FRMD5: variants seen among roughly 807,000 people sequenced by gnomAD.
FRMD5 encodes the protein FERM domain-containing protein 5.
A neutral mutation model predicts 69.0 loss-of-function variants in FRMD5; 20 were observed. The observed-to-expected ratio is 0.29, with a 90% CI of 0.20 to 0.42. FRMD5 has a LOEUF of 0.42. Among genes scored for constraint, FRMD5 ranks in the 10% least tolerant of loss-of-function variants. The pLI is 1.00. For missense variants in FRMD5, 595 were observed against 708.6 expected (o/e 0.84, Z 1.82); for synonymous variants, 271 against 260.1 (o/e 1.04, Z -0.40).
At chr15:43,910,107 C>T (rs957896191) in intron 4 of FRMD5, 128 bp from the exon 5 acceptor site, 1 of 536,628 alleles carries the variant, frequency 1.9e-6, no homozygotes, top group Non-Finnish European at 3.3e-6. Flanking sequence ...AATCCTAAAA[C>T]ATAATGTAGA....
At chr15:44,098,032 T>C (rs2076578339) in intron 1 of FRMD5, among the ~76,000 whole-genome samples, 1 of 151,146 alleles carries the variant, frequency 6.6e-6, no homozygotes, top group Non-Finnish European at 1.5e-5. Flanking sequence ...GGCCTGACCC[T>C]GTGTTATGTG....
chr15:44,095,977 T>C (rs2076546228), intron 1 of FRMD5, among the ~76,000 whole-genome samples: 1 of 151,894 alleles, frequency 6.6e-6, no homozygotes, highest in African/African-American at 2.4e-5. Context: ...GAGGCTGAGG[T>C]GGGTGGATCA....
chr15:43,875,014 A>G (rs981855585), intron 13 of FRMD5, among the ~76,000 whole-genome samples: 16 of 152,056 alleles, frequency 1.1e-4, no homozygotes, highest in East Asian at 9.7e-4. Flanking sequence ...CCTGGCCAAC[A>G]TGGTGAAACC....
intron 1 of FRMD5, among the ~76,000 whole-genome samples, chr15:44,145,460 G>A (rs894192297): frequency 6.6e-6 from 1 of 152,058 alleles, no homozygotes; most frequent in Non-Finnish European, 1.5e-5. Context: ...ATTAATTGCT[G>A]GTATCACTAA....
intron 1 of FRMD5, among the ~76,000 whole-genome samples, chr15:43,995,928 T>G (rs964554363): frequency 6.6e-6 from 1 of 152,186 alleles, no homozygotes; most frequent in East Asian, 1.9e-4. Context: ...GGACCCTGGA[T>G]CTGCTAGAAC....
intron 1 of FRMD5, among the ~76,000 whole-genome samples, chr15:44,183,486 C>T (rs931168181): frequency 6.6e-6 from 1 of 152,190 alleles, no homozygotes; most frequent in African/African-American, 2.4e-5. Flanking sequence ...AGAATGTGGT[C>T]AGCACTAAAT....
At chr15:44,113,066 C>T (rs1566952394) in intron 1 of FRMD5, among the ~76,000 whole-genome samples, 1 of 152,314 alleles carries the variant, frequency 6.6e-6, no homozygotes, top group East Asian at 1.9e-4. Flanking sequence ...TTTTGCCCTT[C>T]TATCTGCAGC....
intron 1 of FRMD5, among the ~76,000 whole-genome samples, chr15:44,009,691 A>C (rs1437737135): frequency 1.3e-5 from 2 of 151,698 alleles, no homozygotes; most frequent in African/African-American, 4.8e-5. Flanking sequence ...AAAAAAATCC[A>C]CTTTTATGGA....
intron 13 of FRMD5, among the ~76,000 whole-genome samples, chr15:43,876,966 A>C (rs1251346816): frequency 1.3e-5 from 2 of 152,156 alleles, no homozygotes; most frequent in Non-Finnish European, 2.9e-5. Context: ...CAAGGTTCTC[A>C]CAGGACTCAA....
chr15:44,065,241 C>T (rs1486496616), intron 1 of FRMD5, among the ~76,000 whole-genome samples: 1 of 152,184 alleles, frequency 6.6e-6, no homozygotes, highest in Non-Finnish European at 1.5e-5. Context: ...TAAGGATTAT[C>T]ACTATTGGTA....
Position 43,999,976 on chromosome 15 carries a change from A to G in FRMD5, c.103-75667T>C, listed in dbSNP as rs1282869370. On this transcript the variant is annotated intron_variant, in intron 1 of 13. Coordinates refer to ENST00000417257, the MANE Select transcript of FRMD5 (RefSeq NM_032892.5). ...TGCATATATATATATATATATATAT[A>G]TATATATATATATGTGCCATGATTT... 9.0e-5 allele frequency among the ~76,000 whole-genome samples: 6 copies of G among 66,884 alleles called. 1 individual carries two copies. The highest frequency in any genetic ancestry group is 3.1e-4 in the African/African-American group (6 of 19,132). 43.9% of individuals were successfully genotyped at this position (66,884 alleles called of 152,430 possible).
chr15:43,916,336 G>A (rs1183366487), intron 4 of FRMD5, among the ~76,000 whole-genome samples: 2 of 152,208 alleles, frequency 1.3e-5, no homozygotes, highest in Non-Finnish European at 2.9e-5. Flanking sequence ...AGCTGGTGGG[G>A]AAAGGGGACA....
At chr15:44,123,802 G>C (rs1040855751) in intron 1 of FRMD5, among the ~76,000 whole-genome samples, 1 of 152,078 alleles carries the variant, frequency 6.6e-6, no homozygotes, top group African/African-American at 2.4e-5. Flanking sequence ...TACAATGTTA[G>C]AAATTAAAGA....
chr15:43,970,603 A>G (rs1223679814), intron 1 of FRMD5, among the ~76,000 whole-genome samples: 2 of 152,168 alleles, frequency 1.3e-5, no homozygotes, highest in African/African-American at 4.8e-5. Flanking sequence ...GGTGTGTGAC[A>G]GACACCACAC....
rs376314290 is a variant in FRMD5, at chr15:43,882,439, A to C, written c.1135+1264T>G. On this transcript the variant is annotated intron_variant, in intron 13 of 13. Transcript: ENST00000417257. The stretch of plus-strand genomic sequence containing the variant: ...AGTGGCACGATCTCAGCTCACTGCA[A>C]CCTCCGCCTCCTGGGTTCAAGCAAT... Among the ~76,000 whole-genome samples the C allele has an allele frequency of 3.3e-5, 5 of 151,172 alleles. No individual in the cohort carries two copies. In the East Asian group the frequency reaches 5.9e-4, roughly 18 times the overall value.
At position 43,919,794 on chromosome 15, in the gene FRMD5, T is replaced by C; in HGVS notation, c.223A>G (p.Thr75Ala). 1.2e-6 allele frequency: 2 copies of C among 1,614,030 alleles called. No homozygotes were observed. The highest frequency in any genetic ancestry group is 2.2e-5 in the South Asian group (2 of 91,072). Residue 75 changes from threonine (T) to alanine (A), a missense_variant, in exon 3 of 14, where the codon ACA (threonine) becomes GCA (alanine). This residue lies in a region of FRMD5 where 79 missense variants were observed against 139.9 expected (regional missense o/e 0.56). Transcript: ENST00000417257. ...PDKQRHWLEFTKSVVKQLRSQ... is the reference protein window; with the variant it reads ...PDKQRHWLEFAKSVVKQLRSQ... ...CTCAATTGTTTCACCACAGACTTTGTAAATTCCAGCCAATGCTGAAACAGA... is the reference window on the plus strand; with the variant it reads ...CTCAATTGTTTCACCACAGACTTTGCAAATTCCAGCCAATGCTGAAACAGA...
chr15:43,973,945 G>T (rs2090426697), intron 1 of FRMD5, among the ~76,000 whole-genome samples: 1 of 150,756 alleles, frequency 6.6e-6, no homozygotes, highest in African/African-American at 2.4e-5. Flanking sequence ...TTTAGGCCTA[G>T]TAAATTTCTT....
chr15:44,005,487 A>G (rs1041173407), intron 1 of FRMD5, among the ~76,000 whole-genome samples: 19 of 151,568 alleles, frequency 1.3e-4, no homozygotes, highest in African/African-American at 2.9e-4. Context: ...AAAAAAAAAA[A>G]AAAAAAGAAA....
At chr15:43,907,575 A>G (rs1434017885) in intron 5 of FRMD5, among the ~76,000 whole-genome samples, 2 of 146,654 alleles carry the variant, frequency 1.4e-5, no homozygotes, top group Admixed American at 6.9e-5. Context: ...ACCAGGCTGG[A>G]GTGCAGTAGC....
Sources: allele counts gnomAD v4.1 joint callset (sites outside exome capture counted in the v4.1 genomes callset), GRCh38; gene constraint gnomAD v4.1.1; regional missense constraint gnomAD v4.1.1; transcripts MANE v1.5; gene names NCBI Gene and HGNC (gene_info 2026-07-23, HGNC 2026-07-21).